Variants in RNLS observed in about 807,000 individuals in gnomAD.
RNLS encodes renalase, FAD dependent amine oxidase.
A neutral mutation model predicts 39.8 loss-of-function variants in RNLS; 39 were observed. That is an observed-to-expected ratio of 0.98 (90% CI 0.76 to 1.28). The LOEUF (loss-of-function observed/expected upper bound fraction) is 1.28. Among genes scored for constraint, RNLS ranks in the 50% most tolerant of loss-of-function variants. The pLI is 0.00. For missense variants in RNLS, 410 were observed against 413.3 expected, an observed-to-expected ratio of 0.99 and a Z score of 0.07; for synonymous variants, 147 against 150.7, an observed-to-expected ratio of 0.98 and a Z score of 0.18.
chr10:88,364,626 T>C (rs1365420963), intron 4 of RNLS, among the ~76,000 whole-genome samples: 1 of 152,158 alleles, frequency 6.6e-6, no homozygotes, highest in Non-Finnish European at 1.5e-5. Context: ...ACTTTGACAT[T>C]GCTTTCTCCT....
chr10:88,223,612 C>T, the RNLS span, among the ~76,000 whole-genome samples: 2 of 151,978 alleles, frequency 1.3e-5, no homozygotes, highest in African/African-American at 4.8e-5. Flanking sequence ...CACATGTTGC[C>T]CTTTAAATAA....
rs1848374436 is a variant in RNLS at position 88,347,299 on chromosome 10, T to A, written c.700+15253A>T. Among the ~76,000 whole-genome samples, 2 of 152,100 alleles carry A rather than the reference T, an allele frequency of 1.3e-5. 1 individual carries two copies. Among genetic ancestry groups the A allele is most frequent in the South Asian group, 4.1e-4 (2 of 4,832 alleles). ...CTTCACTTCAGACCACAGTAAGGAC[T>A]TAACTTCAAGATCCTTCAAAACAGC... On this transcript the variant is annotated intron_variant, in intron 5 of 6. Coordinates refer to ENST00000331772, the MANE Select transcript of RNLS (RefSeq NM_001031709.3).
chr10:88,336,513 T>C (rs930396011), intron 5 of RNLS, among the ~76,000 whole-genome samples: 4 of 152,134 alleles, frequency 2.6e-5, no homozygotes, highest in Admixed American at 2.0e-4. Context: ...ACACGATGAA[T>C]TGAAAATAAA....
intron 6 of RNLS, among the ~76,000 whole-genome samples, chr10:88,309,218 C>A (rs891523376): frequency 6.6e-6 from 1 of 152,006 alleles, no homozygotes; most frequent in Non-Finnish European, 1.5e-5. Flanking sequence ...GTACAACAAA[C>A]CCCTATGATA....
At chr10:88,492,785 TC>T (rs1003998409) in intron 4 of RNLS, among the ~76,000 whole-genome samples, 1 of 152,098 alleles carries the variant, frequency 6.6e-6, no homozygotes, top group African/African-American at 2.4e-5. Flanking sequence ...CAATTCTTTT[TC>T]AATCTCATCA....
intron 4 of RNLS, among the ~76,000 whole-genome samples, chr10:88,503,642 A>G (rs1845624717): frequency 6.6e-6 from 1 of 152,228 alleles, no homozygotes; most frequent in Non-Finnish European, 1.5e-5. Flanking sequence ...AACAGCATCT[A>G]GCACAGGTGC....
intron 4 of RNLS, among the ~76,000 whole-genome samples, chr10:88,373,632 C>A (rs1018090289): frequency 1.3e-5 from 2 of 152,044 alleles, no homozygotes; most frequent in Non-Finnish European, 2.9e-5. Context: ...TATCAGCCTA[C>A]CATTTCTTTG....
chr10:88,528,120 T>C (rs1473097829), intron 4 of RNLS, among the ~76,000 whole-genome samples: 1 of 151,914 alleles, frequency 6.6e-6, no homozygotes, highest in African/African-American at 2.4e-5. Flanking sequence ...TATGCATATA[T>C]TGGCACAGGG....
the RNLS span, among the ~76,000 whole-genome samples, chr10:88,246,324 T>C: frequency 6.6e-6 from 1 of 152,196 alleles, no homozygotes; most frequent in Non-Finnish European, 1.5e-5. Context: ...ACAAACTTTT[T>C]AATGGCATGT....
Position 88,285,155 on chromosome 10 carries a change from TG to T in RNLS, c.*198del. The T allele has an allele frequency of 8.3e-7, 1 of 1,204,044 alleles. No homozygotes were observed. Among genetic ancestry groups the T allele is most frequent in the Non-Finnish European group, 1.0e-6 (1 of 966,124 alleles). The allele number at this position is 1,204,044 out of a possible 1,614,324, so 74.6% of individuals were successfully genotyped here. A position where few individuals can be genotyped will look rare whatever the true frequency, so the allele number is the denominator to read the frequency against. On this transcript the variant is annotated 3_prime_UTR_variant, in exon 7 of 7. Coordinates refer to ENST00000331772, the MANE Select transcript of RNLS (RefSeq NM_001031709.3). Reference sequence around the variant, plus strand: ...TCAGAAAAGTAGGGAAGGTGCAAGGTGTGAGGAATTTCCATTCTAGCATGGG... The same window carrying T: ...TCAGAAAAGTAGGGAAGGTGCAAGGTTGAGGAATTTCCATTCTAGCATGGG...
Position 88,341,378 on chromosome 10 carries a change from G to GT in RNLS, c.700+21173dup, listed in dbSNP as rs199505566. 8.4e-3 allele frequency among the ~76,000 whole-genome samples: 1,265 copies of GT among 150,190 alleles called. 10 individuals are homozygous for GT. Among genetic ancestry groups the GT allele is most frequent in the Non-Finnish European group, 0.015 (1,037 of 67,512 alleles). The stretch of plus-strand genomic sequence containing the variant: ...ATGAGAACAAACAAGAATATTGGCT[G>GT]TATCATTCACCAGAATACCTAGAAC... On this transcript the variant is annotated intron_variant, in intron 5 of 6. Transcript: ENST00000331772.
chr10:88,198,768 C>T, the RNLS span, among the ~76,000 whole-genome samples: 1 of 152,134 alleles, frequency 6.6e-6, no homozygotes, highest in Non-Finnish European at 1.5e-5. Flanking sequence ...GAGGCCTCCC[C>T]AGCCATGCTT....
downstream of RNLS, among the ~76,000 whole-genome samples, chr10:88,271,182 G>A (rs1842641486): frequency 1.3e-5 from 2 of 152,156 alleles, no homozygotes. Flanking sequence ...TGAGGTGAAG[G>A]AGGCTTGGCT....
chr10:88,349,586 A>C (rs1294913309), intron 5 of RNLS, among the ~76,000 whole-genome samples: 1 of 152,180 alleles, frequency 6.6e-6, no homozygotes, highest in Non-Finnish European at 1.5e-5. Context: ...TATAGGCATG[A>C]GCAAGTGAAC....
At chr10:88,441,234 T>C (rs1481470224) in intron 4 of RNLS, among the ~76,000 whole-genome samples, 1 of 152,176 alleles carries the variant, frequency 6.6e-6, no homozygotes, top group African/African-American at 2.4e-5. Context: ...ACAATCATTG[T>C]ATCAGAACAT....
chr10:88,510,067 G>A (rs1447085318), intron 4 of RNLS, among the ~76,000 whole-genome samples: 1 of 152,046 alleles, frequency 6.6e-6, no homozygotes, highest in East Asian at 1.9e-4. Flanking sequence ...TAATATAAAT[G>A]AACATTTAGA....
the RNLS span, among the ~76,000 whole-genome samples, chr10:88,185,973 C>A: frequency 6.6e-6 from 1 of 152,152 alleles, no homozygotes; most frequent in East Asian, 1.9e-4. Flanking sequence ...AAGCAGGTCC[C>A]CAAACTCTTC....
chr10:88,300,805 A>G (rs982985755), intron 6 of RNLS, among the ~76,000 whole-genome samples: 7 of 152,216 alleles, frequency 4.6e-5, no homozygotes, highest in African/African-American at 1.7e-4. Context: ...ATTAATTTAT[A>G]ATCTGGATAT....
At chr10:88,429,176 G>A (rs1011951779) in intron 4 of RNLS, among the ~76,000 whole-genome samples, 1 of 151,844 alleles carries the variant, frequency 6.6e-6, no homozygotes. Flanking sequence ...TGGAGCCAGG[G>A]CCGCCACTTT....
Sources: allele counts gnomAD v4.1 joint callset (sites outside exome capture counted in the v4.1 genomes callset), GRCh38; gene constraint gnomAD v4.1.1; transcripts MANE v1.5; gene names NCBI Gene and HGNC (gene_info 2026-07-23, HGNC 2026-07-21).